Variants in EVL observed in about 807,000 individuals in gnomAD.
The protein encoded by EVL is ena/VASP-like protein.
In EVL, 21 loss-of-function variants were observed where a neutral mutation model predicts 59.6. That is an observed-to-expected ratio of 0.35 (90% CI 0.25 to 0.51). The LOEUF (loss-of-function observed/expected upper bound fraction) is 0.51, where lower values mean the gene tolerates loss of function less well. EVL is among the 20% of genes least tolerant of loss of function. EVL has a pLI of 0.97. For synonymous variants in EVL, 198 were observed against 203.5 expected (o/e 0.97, Z 0.23); for missense variants, 462 against 546.6 (o/e 0.85, Z 1.54).
intron 1 of EVL, among the ~76,000 whole-genome samples, chr14:99,974,177 A>G (rs1012921694): frequency 6.6e-6 from 1 of 152,238 alleles, no homozygotes; most frequent in Admixed American, 6.5e-5. Context: ...ATATTCAGTT[A>G]TACAACCATT....
At chr14:100,128,054 C>G (rs1595233191) in intron 5 of EVL, among the ~76,000 whole-genome samples, 1 of 152,326 alleles carries the variant, frequency 6.6e-6, no homozygotes, top group East Asian at 1.9e-4. Context: ...CCCATGCCCC[C>G]AGTCGGCCCT....
At chr14:100,024,623 C>T (rs966094446) in intron 1 of EVL, among the ~76,000 whole-genome samples, 1 of 152,256 alleles carries the variant, frequency 6.6e-6, no homozygotes, top group African/African-American at 2.4e-5. Flanking sequence ...GCCTTGTGCT[C>T]CTCCTCTAGA....
chr14:100,118,403 A>G (rs1033903673), intron 3 of EVL, among the ~76,000 whole-genome samples: 3 of 152,234 alleles, frequency 2.0e-5, no homozygotes, highest in African/African-American at 7.2e-5. Flanking sequence ...GAGAGATGCT[A>G]TAAAAGCCTT....
chr14:100,115,509 C>G (rs902390751), intron 3 of EVL, among the ~76,000 whole-genome samples: 1 of 152,220 alleles, frequency 6.6e-6, no homozygotes, highest in African/African-American at 2.4e-5. Context: ...GGTCAGTCCC[C>G]CACTCTCTGA....
chr14:100,132,612 G>A, intron 7 of EVL, 107 bp from the exon 8 acceptor site: 4 of 1,277,730 alleles, frequency 3.1e-6, no homozygotes, highest in Non-Finnish European at 4.6e-6. Flanking sequence ...TCCCACACAG[G>A]TTTATCTGAG....
At chr14:99,986,107 C>T (rs903395243) in intron 1 of EVL, among the ~76,000 whole-genome samples, 2 of 152,002 alleles carry the variant, frequency 1.3e-5, no homozygotes, top group Non-Finnish European at 2.9e-5. Context: ...GCCTGACCAA[C>T]ATGGCTAAAC....
At chr14:100,141,332 C>T in intron 12 of EVL, 86 bp downstream of exon 12, 1 of 1,453,272 alleles carries the variant, frequency 6.9e-7, no homozygotes, top group Non-Finnish European at 9.5e-7. Context: ...GCCAGGCAGG[C>T]CCTGGGGGCC....
At chr14:100,087,307 A>T (rs1567009561) in intron 2 of EVL, among the ~76,000 whole-genome samples, 1 of 152,218 alleles carries the variant, frequency 6.6e-6, no homozygotes. Flanking sequence ...TTTAGTTGAG[A>T]ATAAGTTTTG....
At chr14:100,091,315 C>T (rs745777380) in intron 2 of EVL, among the ~76,000 whole-genome samples, 3 of 152,172 alleles carry the variant, frequency 2.0e-5, no homozygotes, top group South Asian at 4.1e-4. Context: ...GAATGGGTTC[C>T]GCCCCATATC....
intron 1 of EVL, among the ~76,000 whole-genome samples, chr14:100,000,379 G>T (rs1216212994): frequency 2.3e-5 from 3 of 128,374 alleles, no homozygotes; most frequent in African/African-American, 8.9e-5. Context: ...ACGGAGTCTC[G>T]CTCTGTCACC....
intron 1 of EVL, among the ~76,000 whole-genome samples, chr14:100,079,117 A>G (rs1486441205): frequency 6.6e-6 from 1 of 152,174 alleles, no homozygotes. Flanking sequence ...GCCCAGGCAG[A>G]GCTGAGATGC....
chr14:100,039,359 C>G (rs972933613), intron 1 of EVL, among the ~76,000 whole-genome samples: 4 of 152,206 alleles, frequency 2.6e-5, no homozygotes, highest in African/African-American at 9.6e-5. Flanking sequence ...GCCTCAGCCT[C>G]CCAAGTAGCT....
intron 1 of EVL, among the ~76,000 whole-genome samples, chr14:100,073,008 T>A (rs1460483434): frequency 6.6e-6 from 1 of 152,132 alleles, no homozygotes; most frequent in East Asian, 1.9e-4. Context: ...CAGAATGTTT[T>A]TCAGTTCTGA....
At chr14:100,134,825 G>C (rs1421077546) in intron 8 of EVL, 2 of 152,200 alleles carry the variant, frequency 1.3e-5, no homozygotes, top group African/African-American at 4.8e-5. Context: ...CTGAAAACCT[G>C]CACCCAGGCA....
intron 5 of EVL, 31 bp downstream of exon 5, chr14:100,126,802 C>T (rs372980425): frequency 5.0e-5 from 81 of 1,605,750 alleles, no homozygotes; most frequent in Non-Finnish European, 6.8e-5. Context: ...GGGCCGACTC[C>T]CATGCTGCTG....
rs767492655 is a variant in EVL at position 100,132,762 on chromosome 14, G to C, written c.883G>C (p.Glu295Gln). ...SQSDKPAEKK[E>Q]DESQMEDPST... ...GTCAGACAAGCCAGCCGAGAAGAAG[G>C]AAGATGAAAGCCAAATGGTGAGCAA... Residue 295 changes from glutamate (E) to glutamine (Q), a missense_variant, in exon 8 of 14, where the codon GAA (glutamate) becomes CAA (glutamine). Physicochemically the swap from Glu to Gln is conservative, Grantham distance 29. Transcript: ENST00000392920. The C allele has an allele frequency of 5.0e-6, 8 of 1,614,062 alleles. No homozygotes were observed. The highest frequency in any genetic ancestry group is 6.8e-6 in the Non-Finnish European group (8 of 1,180,054).
At position 100,059,743 on chromosome 14, in the gene EVL, G is replaced by A. The variant is rs2061791416; in HGVS notation, c.6-24944G>A. Among the ~76,000 whole-genome samples the A allele has an allele frequency of 2.0e-5, 3 of 152,078 alleles. No homozygotes were observed. In the South Asian group the frequency reaches 6.2e-4, roughly 32 times the overall value. ...AGTCAGATGGGGGGGTGGTTGCAGAGGAGGGGGATACCCTAGGGCTAAGTT... is the reference window on the plus strand; with the variant it reads ...AGTCAGATGGGGGGGTGGTTGCAGAAGAGGGGGATACCCTAGGGCTAAGTT... On this transcript the variant is annotated intron_variant, in intron 1 of 13. Coordinates refer to the EVL transcript ENST00000402714.
chr14:100,113,179 C>T (rs1313445873), intron 3 of EVL, among the ~76,000 whole-genome samples: 1 of 152,032 alleles, frequency 6.6e-6, no homozygotes, highest in Non-Finnish European at 1.5e-5. Flanking sequence ...GGCAACGGCA[C>T]AGAGGCATGT....
intron 1 of EVL, among the ~76,000 whole-genome samples, chr14:100,004,688 T>G (rs1471910252): frequency 6.6e-6 from 1 of 152,174 alleles, no homozygotes; most frequent in Non-Finnish European, 1.5e-5. Flanking sequence ...TCAAGATTGT[T>G]TCTCATATAA....
Sources: gnomAD v4.1 joint callset for allele counts (sites outside exome capture counted in the v4.1 genomes callset) on GRCh38, gnomAD v4.1.1 for gene constraint, MANE v1.5 for transcripts, NCBI Gene and HGNC (gene_info 2026-07-23, HGNC 2026-07-21) for gene names.